PCDHGA4: variants seen among roughly 807,000 people sequenced by gnomAD.
PCDHGA4 encodes protocadherin gamma-A4.
PCDHGA4 carries 38 observed loss-of-function variants against 54.6 expected under a neutral mutation model. That is an observed-to-expected ratio of 0.70 (90% confidence interval 0.54 to 0.91). The LOEUF is 0.91. PCDHGA4 is among the 40% of genes least tolerant of loss of function. The pLI, the probability that PCDHGA4 is intolerant of heterozygous loss-of-function variation, is 0.00. For missense variants in PCDHGA4, 1,298 were observed against 1,220.9 expected (o/e 1.06, Z -0.94); for synonymous variants, 511 against 512.9 (o/e 1.00, Z 0.05).
In PCDHGA4 at chr5:141,408,415, G is replaced by A. The variant is rs554066897; in HGVS notation, c.2514+50794G>A. The A allele has an allele frequency of 1.8e-5, 29 of 1,614,074 alleles. 1 individual carries two copies. In the South Asian group the frequency reaches 2.9e-4, roughly 16 times the overall value. On this transcript the variant is annotated intron_variant, in intron 1 of 3. Coordinates refer to ENST00000571252, the MANE Select transcript of PCDHGA4 (RefSeq NM_018917.4). Reference sequence around the variant, plus strand: ...CTCGCAAGCTGCGAGTGAGCGCGGAGAAGCTGCACTTCAGCGTAGACGCGG... The same window carrying A: ...CTCGCAAGCTGCGAGTGAGCGCGGAAAAGCTGCACTTCAGCGTAGACGCGG...
intron 3 of PCDHGA4, among the ~76,000 whole-genome samples, chr5:141,508,954 C>A (rs2154594435): frequency 6.6e-6 from 1 of 152,170 alleles, no homozygotes; most frequent in Admixed American, 6.5e-5. Context: ...AGAGAAATGT[C>A]AGCGGAATGA....
chr5:141,364,254 G>A, intron 1 of PCDHGA4: 1 of 1,492,278 alleles, frequency 6.7e-7, no homozygotes, highest in Non-Finnish European at 8.9e-7. Flanking sequence ...CAGGGAATAT[G>A]TACCCATCGG....
At chr5:141,506,699 C>T (rs758682427) in intron 3 of PCDHGA4, among the ~76,000 whole-genome samples, 2 of 152,094 alleles carry the variant, frequency 1.3e-5, no homozygotes, top group Non-Finnish European at 2.9e-5. Flanking sequence ...GACCCAAACC[C>T]GTTTTTTACT....
chr5:141,446,622 G>A (rs1338969669), intron 1 of PCDHGA4, among the ~76,000 whole-genome samples: 13 of 152,044 alleles, frequency 8.6e-5, no homozygotes, highest in East Asian at 1.9e-4. Flanking sequence ...GACTACAGGC[G>A]TGCACCACCA....
chr5:141,477,482 C>G lies in PCDHGA4; in HGVS notation c.2515-17325C>G, dbSNP rs1168724444. On this transcript the variant is annotated intron_variant, in intron 1 of 3. Transcript: ENST00000571252. This position sits in a 1 kb window ranked among gnomAD's most constrained non-coding sequence, Gnocchi z 4.9. ...GTCCGACATCAATGACAACCCTCCA[C>G]AATCTTCTCAATCTTCCTACGACGT... 1 of 1,614,118 alleles carries G rather than the reference C, an allele frequency of 6.2e-7. No individual in the cohort carries two copies. The highest frequency in any genetic ancestry group is 1.1e-5 in the South Asian group (1 of 91,074).
chr5:141,383,537 C>G, intron 1 of PCDHGA4: 2 of 1,612,570 alleles, frequency 1.2e-6, no homozygotes, highest in Non-Finnish European at 1.7e-6. Context: ...CTGGTCCTCA[C>G]AGCCTCTGAT....
At chr5:141,470,201 G>C (rs2154570565) in intron 1 of PCDHGA4, among the ~76,000 whole-genome samples, 1 of 152,274 alleles carries the variant, frequency 6.6e-6, no homozygotes, top group Non-Finnish European at 1.5e-5. Flanking sequence ...AGATAAATAT[G>C]AAGGCTAAAC....
intron 1 of PCDHGA4, among the ~76,000 whole-genome samples, chr5:141,466,757 T>G (rs1486124876): frequency 6.6e-6 from 1 of 152,224 alleles, no homozygotes; most frequent in Non-Finnish European, 1.5e-5. Context: ...AGGGGCTCTT[T>G]TCAAACTGTT....
At chr5:141,399,642 G>A (rs755191053) in intron 1 of PCDHGA4, 154 of 1,613,630 alleles carry the variant, frequency 9.5e-5, no homozygotes, top group East Asian at 4.2e-4. Context: ...CCATGAGCGC[G>A]CAAAGTGGGG....
intron 1 of PCDHGA4, chr5:141,417,918 T>C (rs1371704441): frequency 1.2e-6 from 2 of 1,605,528 alleles, no homozygotes; most frequent in Non-Finnish European, 8.5e-7. Context: ...CTATTTCCTT[T>C]GCTGCTGCCT....
rs757947581 is a variant in PCDHGA4 at position 141,361,996 on chromosome 5, T to G, written c.2514+4375T>G. 7 of 1,603,066 alleles carry G rather than the reference T, an allele frequency of 4.4e-6. No individual in the cohort carries two copies. The African/African-American group carries it at 8.0e-5, about 18-fold the overall frequency. ...CGAGCCCGGGCTCTTCAGCCTGGGG[T>G]TGCGCACGGGTGAGGTGCGCACAGC... is the stretch of plus-strand genomic sequence containing the variant. On this transcript the variant is annotated intron_variant, in intron 1 of 3. Transcript: ENST00000571252.
At chr5:141,456,615 A>G (rs561978043) in intron 1 of PCDHGA4, among the ~76,000 whole-genome samples, 3 of 152,318 alleles carry the variant, frequency 2.0e-5, no homozygotes, top group East Asian at 3.9e-4. Flanking sequence ...AAGTCCCTGT[A>G]GATTTGCCTC....
intron 1 of PCDHGA4, chr5:141,408,147 A>G (rs1357143790): frequency 6.7e-7 from 1 of 1,503,488 alleles, no homozygotes; most frequent in Non-Finnish European, 8.9e-7. Context: ...TTAGCGCGGT[A>G]GAGTGCACTT....
intron 1 of PCDHGA4, among the ~76,000 whole-genome samples, chr5:141,473,942 GC>G (rs1443545533): frequency 1.3e-5 from 2 of 152,124 alleles, no homozygotes; most frequent in African/African-American, 4.8e-5. Context: ...AGTAGCTCAG[GC>G]CTGTAGTCCC....
chr5:141,476,038 G>A lies in PCDHGA4; in HGVS notation c.2515-18769G>A, dbSNP rs1426234941. 1.3e-6 allele frequency: 2 copies of A among 1,484,842 alleles called. No homozygotes were observed. Among genetic ancestry groups the A allele is most frequent in the Non-Finnish European group, 1.8e-6 (2 of 1,118,086 alleles). 92.0% of individuals were successfully genotyped at this position (1,484,842 alleles called of 1,614,324 possible). The stretch of plus-strand genomic sequence containing the variant: ...GTCGGACTCGGCGCCCAGCGCCCAA[G>A]CGCTAACCCGCTGAAAGTTTCTCAG... On this transcript the variant is annotated intron_variant, in intron 1 of 3. Coordinates refer to ENST00000571252, the MANE Select transcript of PCDHGA4 (RefSeq NM_018917.4). The surrounding 1 kb of genome is among the most constrained non-coding windows in gnomAD (Gnocchi z 7.6).
In PCDHGA4 at chr5:141,485,632, G is replaced by A. The variant is rs1335265010; in HGVS notation, c.2515-9175G>A. On this transcript the variant is annotated intron_variant, in intron 1 of 3. Transcript: ENST00000571252. This position sits in a 1 kb window ranked among gnomAD's most constrained non-coding sequence, Gnocchi z 5.7. ...CAGCTCCTCCAGGACAGCGTTTCCCGTTGGAAAAGGCTCAGGATGCAGATG... is the reference window on the plus strand; with the variant it reads ...CAGCTCCTCCAGGACAGCGTTTCCCATTGGAAAAGGCTCAGGATGCAGATG... 1.2e-6 allele frequency: 2 copies of A among 1,611,766 alleles called. No homozygotes were observed. The highest frequency in any genetic ancestry group is 1.7e-6 in the Non-Finnish European group (2 of 1,178,342).
chr5:141,400,426 G>A (rs1346018954), intron 1 of PCDHGA4: 1 of 1,614,060 alleles, frequency 6.2e-7, no homozygotes, highest in Non-Finnish European at 8.5e-7. Flanking sequence ...AAAATGTAGT[G>A]AGCAATTGAG....
intron 1 of PCDHGA4, chr5:141,440,464 G>C (rs2003094): frequency 1.3e-5 from 2 of 152,150 alleles, no homozygotes; most frequent in Admixed American, 6.5e-5. Context: ...ATGAACAAAC[G>C]GTAGTTGAAA....
At chr5:141,496,662 T>A (rs557106775) in intron 2 of PCDHGA4, among the ~76,000 whole-genome samples, 1 of 152,344 alleles carries the variant, frequency 6.6e-6, no homozygotes, top group African/African-American at 2.4e-5. Flanking sequence ...TGACCCCAGC[T>A]GTTGTCCTTC....
Sources: gnomAD v4.1 joint callset for allele counts (sites outside exome capture counted in the v4.1 genomes callset) on GRCh38, gnomAD v4.1.1 for gene constraint, Gnocchi (gnomAD v3.1) non-coding constraint, MANE v1.5 for transcripts, NCBI Gene and HGNC (gene_info 2026-07-23, HGNC 2026-07-21) for gene names.